The following AKR1C2 variants were observed in gnomAD, a reference collection of about 807,000 sequenced individuals.
AKR1C2 encodes 3-alpha-HSD3.
A neutral mutation model predicts 39.8 loss-of-function variants in AKR1C2; 27 were observed. The ratio of observed to expected loss-of-function variants is 0.68; its 90% CI spans 0.50 to 0.93. The LOEUF (loss-of-function observed/expected upper bound fraction) is 0.93, where lower values mean the gene tolerates loss of function less well. Ranked by LOEUF, AKR1C2 falls within the 40% of genes least tolerant of loss-of-function variation. The pLI is 0.00. For missense variants in AKR1C2, 263 were observed against 365.1 expected (o/e 0.72, Z 2.28); for synonymous variants, 114 against 137.9 (o/e 0.83, Z 1.22).
intron 3 of AKR1C2, 122 bp from the exon 4 acceptor site, chr10:4,999,399 G>C: frequency 6.2e-7 from 1 of 1,604,002 alleles, no homozygotes; most frequent in South Asian, 1.1e-5. Flanking sequence ...GCTCCAGAGA[G>C]TGGTATGTAC....
intron 1 of AKR1C2, among the ~76,000 whole-genome samples, chr10:5,015,400 A>G (rs1359730073): frequency 6.6e-6 from 1 of 152,220 alleles, no homozygotes; most frequent in African/African-American, 2.4e-5. Context: ...GTCCCAAATT[A>G]GGTAAAAGAA....
chr10:4,995,746 C>T lies in AKR1C2; in HGVS notation c.680+10G>A, dbSNP rs1554772916. 1 of 1,608,668 alleles carries T rather than the reference C, an allele frequency of 6.2e-7. No individual in the cohort carries two copies. Among genetic ancestry groups the T allele is most frequent in the Non-Finnish European group, 8.5e-7 (1 of 1,178,556 alleles). Reference sequence around the variant, plus strand: ...AGTGTTTTAGGTAAACTTCCTGTATCTCTTATTACCATGGTTCTTCTCGAT... The same window carrying T: ...AGTGTTTTAGGTAAACTTCCTGTATTTCTTATTACCATGGTTCTTCTCGAT... On this transcript the variant is annotated intron_variant, in intron 6 of 8. Coordinates refer to ENST00000380753, the MANE Select transcript of AKR1C2 (RefSeq NM_001393392.1).
rs1250589301 is a variant in AKR1C2, at chr10:5,003,144, A to T, written c.84+608T>A. 1.2e-4 allele frequency among the ~76,000 whole-genome samples: 19 copies of T among 152,018 alleles called. 1 individual carries two copies. Among genetic ancestry groups the T allele is most frequent in the African/African-American group, 4.8e-5 (2 of 41,396 alleles). ...GAAATTTTTCTGTTACAATATTTTG[A>T]TACAAATCTGACCCATATTAACAAA... On this transcript the variant is annotated intron_variant, in intron 1 of 8. Transcript: ENST00000380753.
intron 1 of AKR1C2, among the ~76,000 whole-genome samples, chr10:5,003,461 G>A (rs1837331476): frequency 6.6e-6 from 1 of 151,290 alleles, no homozygotes; most frequent in Non-Finnish European, 1.5e-5. Context: ...CAAAGAAACA[G>A]AGAAACCACT....
chr10:5,007,444 A>G (rs1554774539), upstream of AKR1C2: 1 of 152,056 alleles, frequency 6.6e-6, no homozygotes, highest in Non-Finnish European at 1.5e-5. Flanking sequence ...CTGAAGTTAA[A>G]TTCACATTGA....
chr10:5,003,791 G>T lies in AKR1C2; in HGVS notation c.45C>A (p.Phe15Leu), dbSNP rs1554774109. 2 of 1,614,086 alleles carry T rather than the reference G, an allele frequency of 1.2e-6. No individual in the cohort carries two copies. Among genetic ancestry groups the T allele is most frequent in the East Asian group, 4.5e-5 (2 of 44,866 alleles). Residue 15 changes from phenylalanine (F) to leucine (L), a missense_variant, in exon 1 of 9, where the codon TTC (phenylalanine) becomes TTA (leucine). Phe to Leu is a conservative substitution (Grantham distance 22). Transcript: ENST00000380753. ...YQCVKLNDGH[F>L]MPVLGFGTYA... ...AGGTGCCAAATCCCAGGACAGGCAT[G>T]AAGTGACCATCATTCAGCTTCACAC...
intron 3 of AKR1C2, chr10:5,000,261 T>C: frequency 6.9e-7 from 1 of 1,457,438 alleles, no homozygotes; most frequent in Non-Finnish European, 9.0e-7. Context: ...TCAGGAATCA[T>C]AAATAAGACC....
intron 1 of AKR1C2, among the ~76,000 whole-genome samples, chr10:5,002,521 G>A (rs529755487): frequency 6.6e-6 from 1 of 151,916 alleles, no homozygotes; most frequent in Admixed American, 6.6e-5. Flanking sequence ...TAAGAAATAG[G>A]CTGCAGGGAG....
chr10:4,999,367 T>C (rs551259023), intron 3 of AKR1C2, 90 bp from the exon 4 acceptor site: 21 of 1,605,076 alleles, frequency 1.3e-5, no homozygotes, highest in Admixed American at 5.1e-5. Flanking sequence ...ACACTAATCC[T>C]CCATGAGGTA....
intron 1 of AKR1C2, among the ~76,000 whole-genome samples, chr10:5,010,824 C>A (rs1427409955): frequency 6.6e-6 from 1 of 152,108 alleles, no homozygotes; most frequent in Non-Finnish European, 1.5e-5. Flanking sequence ...AATAGCTTTG[C>A]AAGCTTTTAA....
chr10:5,010,101 G>C (rs1396486096), intron 1 of AKR1C2, among the ~76,000 whole-genome samples: 1 of 144,008 alleles, frequency 6.9e-6, no homozygotes, highest in Non-Finnish European at 1.5e-5. Flanking sequence ...ATAAGTCAGA[G>C]GGTCCATGGA....
upstream of AKR1C2, among the ~76,000 whole-genome samples, chr10:5,008,050 C>T (rs1388990684): frequency 3.3e-5 from 5 of 151,476 alleles, no homozygotes; most frequent in African/African-American, 1.2e-4. Context: ...AGGGTGCAGC[C>T]CACATGGCTG....
At chr10:5,015,743 C>T (rs543418904) in intron 1 of AKR1C2, 4 of 152,290 alleles carry the variant, frequency 2.6e-5, no homozygotes, top group Admixed American at 2.6e-4. Flanking sequence ...TGACTGTATT[C>T]TTGTGTATTA....
rs1183394102 is a variant in AKR1C2 at position 4,989,961 on chromosome 10, G to C, written c.*35C>G. ...CCTCTGTGTCACCATCCACACGCAG[G>C]GCCTTCTGGCAGACCTCATGCAATG... On this transcript the variant is annotated 3_prime_UTR_variant, in exon 9 of 9. Coordinates refer to ENST00000380753, the MANE Select transcript of AKR1C2 (RefSeq NM_001393392.1). 2 of 1,556,960 alleles carry C rather than the reference G, an allele frequency of 1.3e-6. No homozygotes were observed. Among genetic ancestry groups the C allele is most frequent in the Admixed American group, 3.4e-5 (2 of 58,442 alleles).
upstream of AKR1C2, chr10:5,006,047 C>A (rs1837396768): frequency 6.6e-6 from 1 of 152,108 alleles, no homozygotes; most frequent in Admixed American, 6.5e-5. Flanking sequence ...CTTGAAATTC[C>A]TGAGTCTAAG....
chr10:4,999,070 A>G (rs1837165779), intron 4 of AKR1C2, 130 bp downstream of exon 4: 3 of 1,572,282 alleles, frequency 1.9e-6, no homozygotes, highest in South Asian at 2.3e-5. Context: ...GCTGCTCACA[A>G]AAACTACCTT....
chr10:5,014,430 T>C (rs1439048677), intron 1 of AKR1C2, among the ~76,000 whole-genome samples: 7 of 152,172 alleles, frequency 4.6e-5, no homozygotes, highest in Non-Finnish European at 1.0e-4. Flanking sequence ...AGAAAGTTAA[T>C]GAGGCATCTC....
intron 1 of AKR1C2, among the ~76,000 whole-genome samples, chr10:5,017,252 G>A (rs1403518615): frequency 7.9e-5 from 12 of 152,040 alleles, no homozygotes; most frequent in African/African-American, 2.7e-4. Flanking sequence ...TCTGCTACAT[G>A]GCCAGGCTCA....
At chr10:5,006,686 A>T (rs1837412480), upstream of AKR1C2, 2 of 152,300 alleles carry the variant, frequency 1.3e-5, no homozygotes, top group South Asian at 4.1e-4. Flanking sequence ...CAGATTTCTT[A>T]TGAGAGTCTT....
Sources: allele counts gnomAD v4.1 joint callset (sites outside exome capture counted in the v4.1 genomes callset), GRCh38; gene constraint gnomAD v4.1.1; transcripts MANE v1.5; gene names NCBI Gene and HGNC (gene_info 2026-07-23, HGNC 2026-07-21).